Variants in ZNF558 observed in about 807,000 individuals in gnomAD.
ZNF558 encodes zinc finger protein 558.
A neutral mutation model predicts 37.6 loss-of-function variants in ZNF558; 23 were observed. That is an observed-to-expected ratio of 0.61 (90% CI 0.44 to 0.87). ZNF558 has a LOEUF of 0.87. Among genes scored for constraint, ZNF558 ranks in the 40% least tolerant of loss-of-function variants. ZNF558 has a pLI of 0.00. For missense variants in ZNF558, 429 were observed against 483.7 expected (o/e 0.89, Z 1.06); for synonymous variants, 189 against 174.4 (o/e 1.08, Z -0.66).
At chr19:8,821,706 C>T (rs990106066) in intron 6 of ZNF558, 15 of 1,302,474 alleles carry the variant, frequency 1.2e-5, no homozygotes, top group African/African-American at 3.0e-5. Flanking sequence ...GACTGATTTC[C>T]GTGGCGTTTA....
chr19:8,818,836 C>A (rs1167100060), intron 7 of ZNF558, among the ~76,000 whole-genome samples: 1 of 152,114 alleles, frequency 6.6e-6, no homozygotes, highest in Non-Finnish European at 1.5e-5. Context: ...TCGAGATATA[C>A]AGACCAATGG....
At chr19:8,832,756 T>A (rs1362233892), upstream of ZNF558, among the ~76,000 whole-genome samples, 1 of 148,416 alleles carries the variant, frequency 6.7e-6, no homozygotes, top group Non-Finnish European at 1.5e-5. Flanking sequence ...CGGGGATGAC[T>A]GAGCAGAGAC....
At position 8,812,022 on chromosome 19, in the gene ZNF558, C is replaced by T. The variant is rs182749347; in HGVS notation, c.468G>A (p.Gln156=). ...HRGVKLNECN[Q]CFKVFSTKSN... ...ATTTCGTGCTGAAGACTTTAAAACA[C>T]TGATTACATTCATTGAGTTTCACTC... is the stretch of plus-strand genomic sequence containing the variant. The change falls in exon 10 of 10, where the codon CAG becomes CAA. Residue 156 remains glutamine (Q), a synonymous_variant. Transcript: ENST00000601372. The T allele has an allele frequency of 1.9e-6, 3 of 1,608,716 alleles. No homozygotes were observed. The highest frequency in any genetic ancestry group is 2.5e-6 in the Non-Finnish European group (3 of 1,177,108).
intron 7 of ZNF558, among the ~76,000 whole-genome samples, chr19:8,820,253 T>A (rs551432578): frequency 6.6e-6 from 1 of 152,168 alleles, no homozygotes; most frequent in African/African-American, 2.4e-5. Flanking sequence ...AGACCTAGCC[T>A]TCCACTCCTA....
intron 7 of ZNF558, among the ~76,000 whole-genome samples, chr19:8,817,380 T>C (rs1011710159): frequency 6.6e-6 from 1 of 152,208 alleles, no homozygotes; most frequent in African/African-American, 2.4e-5. Flanking sequence ...ATTAAATATA[T>C]AATTTATAAT....
rs764894729 is a variant in ZNF558 at position 8,821,266 on chromosome 19, T to C, written c.161A>G (p.Gln54Arg). Reference sequence around the variant, plus strand: ...AGGGTCCAGCAACGCCCACTCCTCCTGGGTGAACTCCACGGCCACATCCTC... The same window carrying C: ...AGGGTCCAGCAACGCCCACTCCTCCCGGGTGAACTCCACGGCCACATCCTC... ...TFEDVAVEFT[Q>R]EEWALLDPAQ... Residue 54 changes from glutamine (Q) to arginine (R), a missense_variant, in exon 7 of 10, where the codon CAG becomes CGG. By Grantham distance (43) the Gln-to-Arg change is conservative. Transcript: ENST00000601372. The C allele has an allele frequency of 6.2e-7, 1 of 1,614,184 alleles. No individual in the cohort carries two copies. Among genetic ancestry groups the C allele is most frequent in the Non-Finnish European group, 8.5e-7 (1 of 1,180,030 alleles).
Position 8,822,215 on chromosome 19 carries a change from C to T in ZNF558, c.32-124G>A, listed in dbSNP as rs900528426. Reference sequence around the variant, plus strand: ...AGGCACCACACAGTGCCCACCTACGCTCCATGCAAACACCTACCCACAGCT... The same window carrying T: ...AGGCACCACACAGTGCCCACCTACGTTCCATGCAAACACCTACCCACAGCT... On this transcript the variant is annotated intron_variant, in intron 5 of 9. Coordinates refer to ENST00000601372, the MANE Select transcript of ZNF558 (RefSeq NM_144693.3). This position sits in a 1 kb window ranked among gnomAD's most constrained non-coding sequence, Gnocchi z 4.4. The T allele has an allele frequency of 4.2e-6, 5 of 1,183,986 alleles. No homozygotes were observed. Among genetic ancestry groups the T allele is most frequent in the Admixed American group, 2.3e-5 (1 of 43,020 alleles). 73.3% of individuals were successfully genotyped at this position (1,183,986 alleles called of 1,614,324 possible).
rs527371825 is a variant in ZNF558, at chr19:8,806,207, T to C, written c.*5074A>G. 6.6e-6 allele frequency: 1 copy of C among 152,328 alleles called. No homozygotes were observed. Among genetic ancestry groups the C allele is most frequent in the Non-Finnish European group, 1.5e-5 (1 of 68,030 alleles). The allele number at this position is 152,328 out of a possible 1,614,324, so 9.4% of individuals were successfully genotyped here. ...CATTTTATTTTGGAAAGTTTAGATA[T>C]ACATAAAAGTTGTAAAACTATACAG... On this transcript the variant is annotated 3_prime_UTR_variant, in exon 10 of 10. Coordinates refer to ENST00000601372, the MANE Select transcript of ZNF558 (RefSeq NM_144693.3).
Position 8,807,629 on chromosome 19 carries a change from C to T in ZNF558, c.*3652G>A, listed in dbSNP as rs1177448704. The T allele has an allele frequency of 2.0e-5, 3 of 152,186 alleles. No homozygotes were observed. Among genetic ancestry groups the T allele is most frequent in the East Asian group, 3.8e-4 (2 of 5,196 alleles). 9.4% of individuals were successfully genotyped at this position (152,186 alleles called of 1,614,324 possible). On this transcript the variant is annotated 3_prime_UTR_variant, in exon 10 of 10. Transcript: ENST00000601372. The stretch of plus-strand genomic sequence containing the variant: ...ACTCTTGCAAGACAAATTCATATGA[C>T]TCACTGTCCCAACTTGTTGAGATCT...
Position 8,810,001 on chromosome 19 carries a change from CAAT to C in ZNF558, c.*1277_*1279del, listed in dbSNP as rs1394106786. 6.6e-6 allele frequency: 1 copy of C among 152,120 alleles called. No homozygotes were observed. The highest frequency in any genetic ancestry group is 1.5e-5 in the Non-Finnish European group (1 of 68,032). 9.4% of individuals were successfully genotyped at this position (152,120 alleles called of 1,614,324 possible). A position where few individuals can be genotyped will look rare whatever the true frequency, so the allele number is the denominator to read the frequency against. Reference sequence around the variant, plus strand: ...AGAGAAGAATCACTGAAAAATTTTCCAATATTAATATACTCATAGGTTTTGCAT... The same window carrying C: ...AGAGAAGAATCACTGAAAAATTTTCCATTAATATACTCATAGGTTTTGCAT... On this transcript the variant is annotated 3_prime_UTR_variant, in exon 10 of 10. Coordinates refer to ENST00000601372, the MANE Select transcript of ZNF558 (RefSeq NM_144693.3).
chr19:8,815,815 G>A (rs1358775679), intron 7 of ZNF558, among the ~76,000 whole-genome samples: 2 of 151,866 alleles, frequency 1.3e-5, no homozygotes, highest in African/African-American at 4.8e-5. Context: ...GAGAGAGAGA[G>A]AGAGAATGTG....
At position 8,811,339 on chromosome 19, in the gene ZNF558, G is replaced by C. The variant is rs1555767852; in HGVS notation, c.1151C>G (p.Ser384Cys). The change falls in exon 10 of 10, where the codon TCC becomes TGC. Residue 384 changes from serine (S) to cysteine (C), a missense_variant. Transcript: ENST00000601372. ...AGAAAGATAGGAGTTACTTGTGAAG[G>C]ATTTCCCACAATGATTACATTCATA... The part of the protein sequence containing the change: ...KPYECNHCGK[S>C]FTSNSYLSVH... 1 of 1,611,756 alleles carries C rather than the reference G, an allele frequency of 6.2e-7. No homozygotes were observed. The highest frequency in any genetic ancestry group is 1.1e-5 in the South Asian group (1 of 90,722).
rs1366865452 is a variant in ZNF558 at position 8,828,650 on chromosome 19, A to T, written c.-509+2668T>A. The stretch of plus-strand genomic sequence containing the variant: ...TGCCTGTAGCTTCTGCTTTTCTGTA[A>T]CTTACCATTGCCTTCAGAAATCCTT... On this transcript the variant is annotated intron_variant, in intron 2 of 9. Transcript: ENST00000601372. Among the ~76,000 whole-genome samples, 3 of 152,134 alleles carry T rather than the reference A, an allele frequency of 2.0e-5. No individual in the cohort carries two copies. The East Asian group carries it at 5.8e-4, about 29-fold the overall frequency.
intron 7 of ZNF558, among the ~76,000 whole-genome samples, chr19:8,815,797 A>AG (rs2043921770): frequency 6.8e-6 from 1 of 148,046 alleles, no homozygotes; most frequent in Non-Finnish European, 1.5e-5. Context: ...CTCAAAGATA[A>AG]AGAGAGAGAG....
chr19:8,832,002 G>A (rs1338814376), intron 1 of ZNF558: 1 of 152,330 alleles, frequency 6.6e-6, no homozygotes, highest in Non-Finnish European at 1.5e-5. Context: ...CCCCGGGTGA[G>A]GGCGACTGGG....
chr19:8,834,904 A>T (rs1376901607), upstream of ZNF558, among the ~76,000 whole-genome samples: 3 of 152,230 alleles, frequency 2.0e-5, no homozygotes, highest in Non-Finnish European at 4.4e-5. Flanking sequence ...TTGATGCTTC[A>T]AAGGACACCA....
chr19:8,811,263 A>T lies in ZNF558; in HGVS notation c.*18T>A, dbSNP rs782513375. 1 of 1,538,028 alleles carries T rather than the reference A, an allele frequency of 6.5e-7. No individual in the cohort carries two copies. Among genetic ancestry groups the T allele is most frequent in the Non-Finnish European group, 8.7e-7 (1 of 1,145,204 alleles). On this transcript the variant is annotated 3_prime_UTR_variant, in exon 10 of 10. Coordinates refer to ENST00000601372, the MANE Select transcript of ZNF558 (RefSeq NM_144693.3). ...GAAAGATCAATGAGTGCTTTCCTCC[A>T]GAAGTTCCTGCAGTAATTCATATCC...
chr19:8,822,916 C>A lies in ZNF558; in HGVS notation c.-65-192G>T. 1 of 567,830 alleles carries A rather than the reference C, an allele frequency of 1.8e-6. No homozygotes were observed. Among genetic ancestry groups the A allele is most frequent in the Non-Finnish European group, 3.2e-6 (1 of 317,318 alleles). 35.2% of individuals were successfully genotyped at this position (567,830 alleles called of 1,614,324 possible). On this transcript the variant is annotated intron_variant, in intron 4 of 9. Coordinates refer to ENST00000601372, the MANE Select transcript of ZNF558 (RefSeq NM_144693.3). The surrounding 1 kb of genome is among the most constrained non-coding windows in gnomAD (Gnocchi z 4.4). ...TGGAAAACTTGCCTTCCTCTGTCCC[C>A]AACACAACGACCAGTACCTCCCTGA...
At chr19:8,828,683 C>T (rs974083689) in intron 2 of ZNF558, among the ~76,000 whole-genome samples, 14 of 152,206 alleles carry the variant, frequency 9.2e-5, no homozygotes, top group Middle Eastern at 3.4e-3. Flanking sequence ...CTTGCCTAGC[C>T]GGGCACGGTG....
Sources: allele counts gnomAD v4.1 joint callset (sites outside exome capture counted in the v4.1 genomes callset), GRCh38; gene constraint gnomAD v4.1.1; non-coding constraint Gnocchi (gnomAD v3.1); transcripts MANE v1.5; gene names NCBI Gene and HGNC (gene_info 2026-07-23, HGNC 2026-07-21).